Variants in TRAPPC9 observed in about 807,000 individuals in gnomAD.
The protein encoded by TRAPPC9 is IKK2 binding protein.
Under a neutral mutation model 124.0 loss-of-function variants are expected in TRAPPC9, and 83 were observed. That is an observed-to-expected ratio of 0.67 (90% CI 0.56 to 0.80). The LOEUF is 0.80. TRAPPC9 is among the 30% of genes least tolerant of loss of function. The pLI, the probability that TRAPPC9 is intolerant of heterozygous loss-of-function variation, is 0.00. For missense variants in TRAPPC9, 1,302 were observed against 1,508.3 expected, an observed-to-expected ratio of 0.86 and a Z score of 2.27; for synonymous variants, 638 against 617.5, an observed-to-expected ratio of 1.03 and a Z score of -0.49.
At chr8:139,815,056 G>C (rs1056715044) in intron 21 of TRAPPC9, among the ~76,000 whole-genome samples, 2 of 152,186 alleles carry the variant, frequency 1.3e-5, no homozygotes, top group Admixed American at 1.3e-4. Flanking sequence ...CTTCCCCCAG[G>C]TCCTGTTGTG....
chr8:140,190,147 G>A (rs1222444611), intron 17 of TRAPPC9, among the ~76,000 whole-genome samples: 1 of 152,136 alleles, frequency 6.6e-6, no homozygotes, highest in African/African-American at 2.4e-5. Context: ...TATAGAAAAC[G>A]GCTATAATAA....
At chr8:140,129,536 G>A (rs761021160) in intron 17 of TRAPPC9, among the ~76,000 whole-genome samples, 9 of 152,178 alleles carry the variant, frequency 5.9e-5, no homozygotes, top group South Asian at 2.1e-4. Flanking sequence ...CGGCACGGGG[G>A]ATGGAACCCG....
At chr8:140,349,205 C>A (rs2067450115) in intron 9 of TRAPPC9, among the ~76,000 whole-genome samples, 1 of 107,610 alleles carries the variant, frequency 9.3e-6, no homozygotes, top group South Asian at 3.0e-4. Context: ...AGGAGGCGGG[C>A]GAGGGAAGGG....
At chr8:140,032,526 T>A (rs1469812733) in intron 17 of TRAPPC9, among the ~76,000 whole-genome samples, 1 of 152,232 alleles carries the variant, frequency 6.6e-6, no homozygotes, top group African/African-American at 2.4e-5. Flanking sequence ...TGAAAATTTT[T>A]ACTTAGTACA....
At chr8:139,908,926 C>T (rs767185097) in intron 20 of TRAPPC9, among the ~76,000 whole-genome samples, 6 of 152,214 alleles carry the variant, frequency 3.9e-5, no homozygotes, top group African/African-American at 7.2e-5. Flanking sequence ...CTGTTCACTA[C>T]GTGAGTCCCC....
chr8:140,089,535 C>A (rs1301048856), intron 17 of TRAPPC9, among the ~76,000 whole-genome samples: 1 of 152,152 alleles, frequency 6.6e-6, no homozygotes, highest in Admixed American at 6.5e-5. Flanking sequence ...GCTTGGATAC[C>A]ATCTTCATGA....
At chr8:140,129,574 G>C (rs542353908) in intron 17 of TRAPPC9, among the ~76,000 whole-genome samples, 44 of 151,696 alleles carry the variant, frequency 2.9e-4, no homozygotes, top group African/African-American at 9.1e-4. Flanking sequence ...GTCCACACAG[G>C]GGGCAGGGGG....
intron 21 of TRAPPC9, among the ~76,000 whole-genome samples, chr8:139,808,315 G>T (rs1284091683): frequency 6.6e-6 from 1 of 152,132 alleles, no homozygotes; most frequent in Non-Finnish European, 1.5e-5. Flanking sequence ...CAAAAAATTA[G>T]CCGGGCGTGG....
At chr8:140,213,944 C>T (rs922901782) in intron 17 of TRAPPC9, among the ~76,000 whole-genome samples, 1 of 152,218 alleles carries the variant, frequency 6.6e-6, no homozygotes, top group African/African-American at 2.4e-5. Flanking sequence ...GGTGTCCGCT[C>T]CCTGACTGTT....
intron 21 of TRAPPC9, among the ~76,000 whole-genome samples, chr8:139,782,199 G>T (rs920992376): frequency 6.6e-6 from 1 of 152,108 alleles, no homozygotes; most frequent in African/African-American, 2.4e-5. Flanking sequence ...GGCCAACATG[G>T]TGAAACCCTG....
intron 21 of TRAPPC9, among the ~76,000 whole-genome samples, chr8:139,734,994 G>C (rs531151176): frequency 6.6e-6 from 1 of 152,358 alleles, no homozygotes; most frequent in South Asian, 2.1e-4. Flanking sequence ...GTCTGACCAG[G>C]CTGGGATAAA....
chr8:140,356,262 C>T (rs533756915), intron 9 of TRAPPC9, among the ~76,000 whole-genome samples: 3 of 152,316 alleles, frequency 2.0e-5, no homozygotes, highest in East Asian at 3.9e-4. Context: ...CTGTTCTTCC[C>T]GGCGGCCATT....
chr8:140,443,154 A>AAAAT (rs71320361), intron 2 of TRAPPC9, among the ~76,000 whole-genome samples: 18 of 125,016 alleles, frequency 1.4e-4, no homozygotes, highest in Non-Finnish European at 2.2e-4. Context: ...AAAAAAAAAA[A>AAAAT]GCCAGGCGCG....
intron 19 of TRAPPC9, among the ~76,000 whole-genome samples, chr8:139,949,874 G>A (rs1292157519): frequency 2.0e-5 from 3 of 152,134 alleles, no homozygotes; most frequent in Non-Finnish European, 2.9e-5. Context: ...ATGAGTTAAC[G>A]AGCTGTAAAT....
At chr8:140,103,141 G>A (rs6578069) in intron 17 of TRAPPC9, among the ~76,000 whole-genome samples, 91,361 of 152,036 alleles carry the variant, frequency 0.6, 27,835 homozygotes, top group East Asian at 0.87. Flanking sequence ...AGGGTTAGCA[G>A]TAGGGTTTCC....
At chr8:140,027,972 G>T (rs766930288) in intron 17 of TRAPPC9, among the ~76,000 whole-genome samples, 3 of 152,170 alleles carry the variant, frequency 2.0e-5, no homozygotes, top group South Asian at 4.1e-4. Context: ...GGATTATGGG[G>T]ATTACAATTC....
chr8:140,070,976 C>T (rs531684905), intron 17 of TRAPPC9, among the ~76,000 whole-genome samples: 9 of 152,324 alleles, frequency 5.9e-5, no homozygotes, highest in East Asian at 1.9e-4. Context: ...TGGCAGCACT[C>T]GGCCAGAAGC....
intron 21 of TRAPPC9, among the ~76,000 whole-genome samples, chr8:139,772,720 G>T (rs1821061530): frequency 6.6e-6 from 1 of 152,200 alleles, no homozygotes; most frequent in African/African-American, 2.4e-5. Context: ...GCTGAATTGT[G>T]ACTCCAAAAA....
intron 17 of TRAPPC9, among the ~76,000 whole-genome samples, chr8:140,079,059 G>C (rs866125848): frequency 6.6e-6 from 1 of 152,092 alleles, no homozygotes; most frequent in Non-Finnish European, 1.5e-5. Context: ...TGCTGTTTTC[G>C]TGATGGTGAA....
Sources: gnomAD v4.1 joint callset for allele counts (sites outside exome capture counted in the v4.1 genomes callset) on GRCh38, gnomAD v4.1.1 for gene constraint, MANE v1.5 for transcripts, NCBI Gene and HGNC (gene_info 2026-07-23, HGNC 2026-07-21) for gene names.